PACRG: variants seen among roughly 807,000 people sequenced by gnomAD.
PACRG encodes parkin coregulated gene protein.
Under a neutral mutation model 29.7 loss-of-function variants are expected in PACRG, and 29 were observed. That is an observed-to-expected ratio of 0.98 (90% CI 0.73 to 1.33). The LOEUF (loss-of-function observed/expected upper bound fraction) is 1.33. Ranked by LOEUF, PACRG falls within the 40% of genes most tolerant of loss-of-function variation. PACRG has a pLI of 0.00. For missense variants in PACRG, 279 were observed against 316.2 expected (o/e 0.88, Z 0.89); for synonymous variants, 116 against 118.7 (o/e 0.98, Z 0.15).
At chr6:163,228,228 G>A (rs1184410760) in intron 4 of PACRG, among the ~76,000 whole-genome samples, 1 of 151,880 alleles carries the variant, frequency 6.6e-6, no homozygotes, top group Admixed American at 6.6e-5. Flanking sequence ...CCAGGCAATG[G>A]ATTCTTCAAA....
intron 4 of PACRG, among the ~76,000 whole-genome samples, chr6:163,233,616 G>A (rs536632527): frequency 7.9e-5 from 12 of 152,306 alleles, no homozygotes; most frequent in South Asian, 6.2e-4. Flanking sequence ...CCAAGAGGCC[G>A]TGGAGGGGGC....
intron 1 of PACRG, among the ~76,000 whole-genome samples, chr6:162,758,798 A>G (rs967910836): frequency 1.3e-5 from 2 of 152,186 alleles, no homozygotes; most frequent in African/African-American, 4.8e-5. Flanking sequence ...TACATTTGCT[A>G]TTTTTATTCA....
chr6:163,091,588 T>A (rs543607077), intron 4 of PACRG, among the ~76,000 whole-genome samples: 1 of 152,324 alleles, frequency 6.6e-6, no homozygotes, highest in East Asian at 1.9e-4. Context: ...ATTTTCTACT[T>A]ATCTTAGAAA....
chr6:163,250,393 C>T (rs1369972252), intron 4 of PACRG, among the ~76,000 whole-genome samples: 5 of 152,334 alleles, frequency 3.3e-5, no homozygotes, highest in East Asian at 3.9e-4. Flanking sequence ...CCCCATGCAC[C>T]GGAGTTCTGC....
chr6:163,242,561 A>G (rs1782544520), intron 4 of PACRG, among the ~76,000 whole-genome samples: 1 of 152,256 alleles, frequency 6.6e-6, no homozygotes, highest in South Asian at 2.1e-4. Context: ...CAGCATTTCT[A>G]GCACCAGGCA....
intron 4 of PACRG, among the ~76,000 whole-genome samples, chr6:163,289,450 T>G (rs1387878102): frequency 1.3e-5 from 2 of 152,222 alleles, no homozygotes; most frequent in Non-Finnish European, 2.9e-5. Context: ...AACTTCATTC[T>G]TTTTCATTGA....
intron 3 of PACRG, among the ~76,000 whole-genome samples, chr6:163,080,368 C>A (rs1431453234): frequency 6.6e-6 from 1 of 152,138 alleles, no homozygotes; most frequent in Admixed American, 6.5e-5. Flanking sequence ...AAGACACGAA[C>A]CTGCCCCGCC....
At chr6:163,039,802 T>A (rs980925320) in intron 2 of PACRG, among the ~76,000 whole-genome samples, 2 of 152,230 alleles carry the variant, frequency 1.3e-5, no homozygotes, top group Admixed American at 6.5e-5. Flanking sequence ...GTTATATGTG[T>A]TCACAAAGAG....
chr6:163,069,513 C>A (rs139439881), intron 3 of PACRG, among the ~76,000 whole-genome samples: 247 of 152,140 alleles, frequency 1.6e-3, no homozygotes, highest in African/African-American at 5.6e-3. Flanking sequence ...CAATGACATA[C>A]TGAAGAATGC....
At chr6:163,145,649 C>T (rs1294212717) in intron 4 of PACRG, among the ~76,000 whole-genome samples, 3 of 152,208 alleles carry the variant, frequency 2.0e-5, no homozygotes, top group African/African-American at 4.8e-5. Flanking sequence ...CCACACTACA[C>T]AGGACAGCGC....
intron 2 of PACRG, among the ~76,000 whole-genome samples, chr6:162,978,883 G>A (rs1802176159): frequency 6.6e-6 from 1 of 152,072 alleles, no homozygotes; most frequent in South Asian, 2.1e-4. Context: ...ATTTTTAAGG[G>A]TGACTCATCC....
intron 2 of PACRG, among the ~76,000 whole-genome samples, chr6:163,031,423 G>A (rs1394875528): frequency 6.6e-6 from 1 of 152,154 alleles, no homozygotes; most frequent in African/African-American, 2.4e-5. Context: ...AGAGATCACT[G>A]GTTGGTTTGC....
At chr6:162,745,885 G>C (rs1780950841) in intron 1 of PACRG, among the ~76,000 whole-genome samples, 2 of 152,046 alleles carry the variant, frequency 1.3e-5, no homozygotes, top group South Asian at 4.1e-4. Flanking sequence ...TCATGAATTT[G>C]CTTCTTTTTC....
chr6:162,917,006 C>T (rs571448772), intron 2 of PACRG, among the ~76,000 whole-genome samples: 21 of 152,230 alleles, frequency 1.4e-4, no homozygotes, highest in African/African-American at 4.3e-4. Context: ...TTGGAACATC[C>T]GGATCACATT....
At chr6:162,950,488 A>G (rs1367945472) in intron 2 of PACRG, among the ~76,000 whole-genome samples, 1 of 148,700 alleles carries the variant, frequency 6.7e-6, no homozygotes, top group Non-Finnish European at 1.5e-5. Context: ...AGCCTGGGCT[A>G]CAGAGCAAGA....
intron 4 of PACRG, among the ~76,000 whole-genome samples, chr6:163,309,694 G>A (rs1449410831): frequency 2.6e-5 from 4 of 152,200 alleles, no homozygotes; most frequent in Admixed American, 6.5e-5. Context: ...TTGGTTCGTT[G>A]CCTTCTAACA....
At chr6:162,748,322 C>T (rs955785441) in intron 1 of PACRG, among the ~76,000 whole-genome samples, 2 of 152,152 alleles carry the variant, frequency 1.3e-5, no homozygotes, top group African/African-American at 4.8e-5. Context: ...GAAACCCCGT[C>T]TCTAATAAAA....
chr6:162,769,183 T>C (rs1422774695), intron 1 of PACRG, among the ~76,000 whole-genome samples: 2 of 152,038 alleles, frequency 1.3e-5, no homozygotes, highest in African/African-American at 4.8e-5. Context: ...CTGCACACCT[T>C]TTATTTAAAC....
chr6:162,799,508 G>A (rs1584395488), intron 1 of PACRG, among the ~76,000 whole-genome samples: 2 of 152,086 alleles, frequency 1.3e-5, no homozygotes, highest in Non-Finnish European at 2.9e-5. Context: ...TACATTTCTT[G>A]CTTTCTTTAT....
Sources: gnomAD v4.1 joint callset for allele counts (sites outside exome capture counted in the v4.1 genomes callset) on GRCh38, gnomAD v4.1.1 for gene constraint, MANE v1.5 for transcripts, NCBI Gene and HGNC (gene_info 2026-07-23, HGNC 2026-07-21) for gene names.